The following PHF20 variants were observed in gnomAD, a reference collection of about 807,000 sequenced individuals.
PHF20 encodes the protein PHD finger protein 20, also known as glioma-expressed antigen 2.
A neutral mutation model predicts 113.5 loss-of-function variants in PHF20; 23 were observed. That is an observed-to-expected ratio of 0.20 (90% CI 0.15 to 0.29). The LOEUF is 0.29. Among genes scored for constraint, PHF20 ranks in the 10% least tolerant of loss-of-function variants. The probability of loss-of-function intolerance (pLI) is 1.00; values close to 1 mark genes in which losing one functional copy is unlikely to be tolerated. For missense variants in PHF20, 943 were observed against 1,219.6 expected (o/e 0.77, Z 3.38); for synonymous variants, 434 against 457.3 (o/e 0.95, Z 0.65).
intron 1 of PHF20, among the ~76,000 whole-genome samples, chr20:35,798,191 T>C (rs989719059): frequency 7.9e-5 from 12 of 152,184 alleles, no homozygotes; most frequent in Non-Finnish European, 1.5e-4. Context: ...GTCAGGAGGA[T>C]CACTTGAACC....
chr20:35,936,026 G>A (rs1217704228), intron 15 of PHF20, among the ~76,000 whole-genome samples: 1 of 152,206 alleles, frequency 6.6e-6, no homozygotes, highest in African/African-American at 2.4e-5. Flanking sequence ...GACTGACAGG[G>A]CTTACAAGGA....
intron 2 of PHF20, among the ~76,000 whole-genome samples, chr20:35,819,120 A>G (rs897696258): frequency 1.3e-5 from 2 of 151,782 alleles, no homozygotes; most frequent in African/African-American, 2.4e-5. Context: ...TAGTAGAGAC[A>G]TGGTTTCACC....
At chr20:35,839,854 A>C (rs1012187251) in intron 2 of PHF20, among the ~76,000 whole-genome samples, 3 of 152,204 alleles carry the variant, frequency 2.0e-5, no homozygotes, top group Non-Finnish European at 4.4e-5. Context: ...AGGTTGCTGG[A>C]GTCTGAGAAT....
intron 12 of PHF20, among the ~76,000 whole-genome samples, chr20:35,916,797 T>G (rs920023846): frequency 1.3e-5 from 2 of 152,180 alleles, no homozygotes; most frequent in African/African-American, 4.8e-5. Context: ...AGTCTCACGC[T>G]GTCACCCAGG....
intron 17 of PHF20, among the ~76,000 whole-genome samples, chr20:35,942,838 T>A (rs2056009440): frequency 6.6e-6 from 1 of 152,198 alleles, no homozygotes; most frequent in African/African-American, 2.4e-5. Flanking sequence ...TTTCTTTTTT[T>A]TTTGAGATGG....
At chr20:35,851,622 A>C (rs1277284649) in intron 4 of PHF20, among the ~76,000 whole-genome samples, 1 of 148,200 alleles carries the variant, frequency 6.7e-6, no homozygotes, top group Non-Finnish European at 1.5e-5. Flanking sequence ...GCCTTTAACG[A>C]TGTCAATGTC....
At chr20:35,776,567 T>C (rs904120331) in intron 1 of PHF20, among the ~76,000 whole-genome samples, 4 of 152,218 alleles carry the variant, frequency 2.6e-5, no homozygotes, top group South Asian at 2.1e-4. Flanking sequence ...TGTTTTTCCT[T>C]TCTAAGTGTG....
At chr20:35,936,272 C>T (rs2055862417) in intron 15 of PHF20, among the ~76,000 whole-genome samples, 1 of 152,174 alleles carries the variant, frequency 6.6e-6, no homozygotes, top group Non-Finnish European at 1.5e-5. Context: ...CTGGGACAGG[C>T]TGATACCCTG....
intron 2 of PHF20, among the ~76,000 whole-genome samples, chr20:35,817,347 C>A (rs1022364491): frequency 2.0e-5 from 3 of 152,004 alleles, no homozygotes; most frequent in Non-Finnish European, 4.4e-5. Context: ...CCACGGCGCC[C>A]AGCTAATTTT....
At chr20:35,944,812 C>T (rs1390929452) in intron 17 of PHF20, among the ~76,000 whole-genome samples, 2 of 152,260 alleles carry the variant, frequency 1.3e-5, no homozygotes, top group East Asian at 3.9e-4. Context: ...GGTGATCCAC[C>T]TCCCTTGACC....
intron 13 of PHF20, among the ~76,000 whole-genome samples, chr20:35,926,121 C>CA (rs527440244): frequency 3.2e-3 from 231 of 71,868 alleles, no homozygotes; most frequent in Admixed American, 4.0e-3. Context: ...GACTCCATCT[C>CA]AAAAAAAAAA....
At chr20:35,801,629 T>C in intron 2 of PHF20, 24 bp downstream of exon 2, 1 of 1,527,642 alleles carries the variant, frequency 6.5e-7, no homozygotes, top group Non-Finnish European at 9.1e-7. Flanking sequence ...TTTCTGTTAA[T>C]TAAAGCCCTT....
At chr20:35,802,121 C>T (rs1307214118) in intron 2 of PHF20, 1 of 153,164 alleles carries the variant, frequency 6.5e-6, no homozygotes, top group Non-Finnish European at 1.5e-5. Flanking sequence ...TGACTTGTGA[C>T]CTCTGGCTGG....
chr20:35,846,553 C>T (rs78000089), intron 3 of PHF20, among the ~76,000 whole-genome samples: 1 of 152,134 alleles, frequency 6.6e-6, no homozygotes, highest in Non-Finnish European at 1.5e-5. Flanking sequence ...GGCAAAAGAC[C>T]CTTTAGAAGT....
At chr20:35,773,790 C>T (rs2041114365) in intron 1 of PHF20, among the ~76,000 whole-genome samples, 1 of 152,268 alleles carries the variant, frequency 6.6e-6, no homozygotes, top group Middle Eastern at 3.4e-3. Flanking sequence ...AATCACAGGA[C>T]TCTGAATCCT....
chr20:35,803,851 C>T (rs533301277), intron 2 of PHF20, among the ~76,000 whole-genome samples: 4 of 151,318 alleles, frequency 2.6e-5, no homozygotes, highest in East Asian at 3.9e-4. Flanking sequence ...TACTTAACTC[C>T]GCACCCTCCT....
At chr20:35,856,288 C>T (rs995846550) in intron 4 of PHF20, 4 of 152,084 alleles carry the variant, frequency 2.6e-5, no homozygotes, top group Admixed American at 6.5e-5. Flanking sequence ...TTTGTAATTA[C>T]CAGGAATAAA....
At position 35,855,151 on chromosome 20, in the gene PHF20, G is replaced by T. The variant is rs1367072329; in HGVS notation, c.341-3151G>T. ...TTAAAACTCCCATCCCCCCATCTCC[G>T]TCCCCAGACTTGCCAGAGTTGCACC... On this transcript the variant is annotated intron_variant, in intron 4 of 17. Coordinates refer to ENST00000374012, the MANE Select transcript of PHF20 (RefSeq NM_016436.5). The T allele has an allele frequency of 2.2e-5, 10 of 461,054 alleles. No homozygotes were observed. The South Asian group carries it at 3.3e-4, about 15-fold the overall frequency. The allele number at this position is 461,054 out of a possible 1,614,324, so 28.6% of individuals were successfully genotyped here.
chr20:35,934,963 G>T (rs938726788), intron 15 of PHF20, among the ~76,000 whole-genome samples: 1 of 152,138 alleles, frequency 6.6e-6, no homozygotes, highest in Non-Finnish European at 1.5e-5. Flanking sequence ...GGTGGTCCAC[G>T]TGAGTGCCTG....
Sources: allele counts gnomAD v4.1 joint callset (sites outside exome capture counted in the v4.1 genomes callset), GRCh38; gene constraint gnomAD v4.1.1; transcripts MANE v1.5; gene names NCBI Gene and HGNC (gene_info 2026-07-23, HGNC 2026-07-21).